The following FGF12 variants were observed in gnomAD, a reference collection of about 807,000 sequenced individuals.
FGF12 encodes fibroblast growth factor 12B.
In FGF12, 14 loss-of-function variants were observed where a neutral mutation model predicts 23.6. The ratio of observed to expected loss-of-function variants is 0.59; its 90% CI spans 0.39 to 0.93. The LOEUF is 0.93. FGF12 is among the 40% of genes least tolerant of loss of function. The probability of loss-of-function intolerance (pLI) is 0.00; values close to 1 mark genes in which losing one functional copy is unlikely to be tolerated. For synonymous variants in FGF12, 62 were observed against 77.3 expected (o/e 0.80, Z 1.04); for missense variants, 175 against 217.8 (o/e 0.80, Z 1.24).
At chr3:192,622,074 T>G (rs576175599) in intron 2 of FGF12, among the ~76,000 whole-genome samples, 1 of 152,148 alleles carries the variant, frequency 6.6e-6, no homozygotes, top group Admixed American at 6.5e-5. Flanking sequence ...AATTTTGCTG[T>G]TGTCAAATGG....
chr3:192,317,259 T>C (rs1716275323), intron 4 of FGF12, among the ~76,000 whole-genome samples: 1 of 151,380 alleles, frequency 6.6e-6, no homozygotes, highest in Admixed American at 6.6e-5. Flanking sequence ...CACAGTGGAG[T>C]ACAGCATCAA....
intron 2 of FGF12, among the ~76,000 whole-genome samples, chr3:192,532,791 A>C (rs1005552929): frequency 6.6e-6 from 1 of 152,326 alleles, no homozygotes; most frequent in African/African-American, 2.4e-5. Context: ...TATGAAATAA[A>C]TCACTATTTC....
At chr3:192,430,213 G>A (rs1384411718) in intron 2 of FGF12, among the ~76,000 whole-genome samples, 3 of 151,946 alleles carry the variant, frequency 2.0e-5, no homozygotes. Flanking sequence ...AGGGAATTCT[G>A]TCACTATGGA....
intron 4 of FGF12, among the ~76,000 whole-genome samples, chr3:192,246,334 G>A (rs536134581): frequency 6.6e-6 from 1 of 152,256 alleles, no homozygotes; most frequent in Non-Finnish European, 1.5e-5. Context: ...AACATAAGTG[G>A]AGTAAATATA....
intron 2 of FGF12, among the ~76,000 whole-genome samples, chr3:192,602,239 T>C (rs578222302): frequency 1.3e-5 from 2 of 152,230 alleles, no homozygotes; most frequent in East Asian, 3.9e-4. Context: ...TGCTCAATTT[T>C]CCTGAGAACT....
In FGF12 at chr3:192,520,867, A is replaced by G. The variant is rs1724797060; in HGVS notation, c.14-160329T>C. 3.3e-5 allele frequency among the ~76,000 whole-genome samples: 5 copies of G among 152,166 alleles called. No individual in the cohort carries two copies. The South Asian group carries it at 1.0e-3, about 32-fold the overall frequency. ...TGTACAAATGCACACACACTCTTCTATGTAGTGGTCTTTTGATTGTTTCCA... is the reference window on the plus strand; with the variant it reads ...TGTACAAATGCACACACACTCTTCTGTGTAGTGGTCTTTTGATTGTTTCCA... On this transcript the variant is annotated intron_variant, in intron 2 of 5. Coordinates refer to ENST00000445105, the MANE Select transcript of FGF12 (RefSeq NM_004113.6).
At chr3:192,660,446 C>A (rs548027463) in intron 2 of FGF12, among the ~76,000 whole-genome samples, 32 of 150,336 alleles carry the variant, frequency 2.1e-4, no homozygotes, top group African/African-American at 7.8e-4. Context: ...ACCAACACGG[C>A]ACATGTATAC....
chr3:192,351,948 C>T (rs1210686487), intron 3 of FGF12, among the ~76,000 whole-genome samples: 3 of 152,028 alleles, frequency 2.0e-5, no homozygotes, highest in Admixed American at 6.6e-5. Context: ...GCAAAGACAT[C>T]GCAAGCAAAA....
chr3:192,329,949 A>G (rs1389439510), intron 4 of FGF12, among the ~76,000 whole-genome samples: 2 of 152,184 alleles, frequency 1.3e-5, no homozygotes, highest in African/African-American at 4.8e-5. Context: ...AGATGCATTA[A>G]GAACTTTTTA....
rs532142575 is a variant in FGF12, at chr3:192,424,389, C to T, written c.14-63851G>A. On this transcript the variant is annotated intron_variant, in intron 2 of 5. Coordinates refer to ENST00000445105, the MANE Select transcript of FGF12 (RefSeq NM_004113.6). ...CATCTGGTGCACCATGCCAAAAATA[C>T]ATAGGAGCTGAAAGGCAGGATGCAA... is the stretch of plus-strand genomic sequence containing the variant. 3.3e-5 allele frequency among the ~76,000 whole-genome samples: 5 copies of T among 152,278 alleles called. No homozygotes were observed. In the South Asian group the frequency reaches 1.0e-3, roughly 32 times the overall value.
chr3:192,278,893 G>A (rs1000829831), intron 4 of FGF12, among the ~76,000 whole-genome samples: 1 of 152,088 alleles, frequency 6.6e-6, no homozygotes, highest in Non-Finnish European at 1.5e-5. Context: ...AGTCTAACTA[G>A]TCCTGAAGAT....
intron 2 of FGF12, among the ~76,000 whole-genome samples, chr3:192,725,808 C>G (rs1461597537): frequency 6.6e-6 from 1 of 152,148 alleles, no homozygotes; most frequent in African/African-American, 2.4e-5. Flanking sequence ...ATATTACAAA[C>G]CTTTATATGT....
At chr3:192,586,800 T>C (rs937930306) in intron 2 of FGF12, among the ~76,000 whole-genome samples, 5 of 152,194 alleles carry the variant, frequency 3.3e-5, no homozygotes, top group African/African-American at 1.2e-4. Flanking sequence ...GAAATGTGCA[T>C]ATGTCCTGCT....
chr3:192,655,466 C>T (rs973930451), intron 2 of FGF12, among the ~76,000 whole-genome samples: 10 of 152,054 alleles, frequency 6.6e-5, no homozygotes, highest in African/African-American at 1.7e-4. Flanking sequence ...AGAATAGGAA[C>T]GCAGAATAGA....
chr3:192,310,151 A>G (rs1715859189), intron 4 of FGF12, among the ~76,000 whole-genome samples: 1 of 152,200 alleles, frequency 6.6e-6, no homozygotes, highest in Admixed American at 6.5e-5. Flanking sequence ...CAATGCCAAG[A>G]GCTACAACCT....
chr3:192,448,914 G>A (rs1261424923), intron 2 of FGF12, among the ~76,000 whole-genome samples: 1 of 152,148 alleles, frequency 6.6e-6, no homozygotes, highest in Non-Finnish European at 1.5e-5. Context: ...AAGAACAGCA[G>A]ACTTGCTGCA....
At chr3:192,393,043 C>T (rs909490839) in intron 2 of FGF12, among the ~76,000 whole-genome samples, 1 of 152,196 alleles carries the variant, frequency 6.6e-6, no homozygotes, top group African/African-American at 2.4e-5. Context: ...GTGAAGATGG[C>T]TCTATTTATG....
chr3:192,403,209 C>T (rs193181795), intron 2 of FGF12, among the ~76,000 whole-genome samples: 1 of 152,206 alleles, frequency 6.6e-6, no homozygotes, highest in Admixed American at 6.5e-5. Context: ...TTTTATGAGA[C>T]AAAGCTTACA....
At chr3:192,618,241 G>A (rs1714837029) in intron 2 of FGF12, among the ~76,000 whole-genome samples, 1 of 147,300 alleles carries the variant, frequency 6.8e-6, no homozygotes, top group South Asian at 2.1e-4. Context: ...AGATATCATG[G>A]GGAACTAAAA....
Sources: gnomAD v4.1 joint callset for allele counts (sites outside exome capture counted in the v4.1 genomes callset) on GRCh38, gnomAD v4.1.1 for gene constraint, MANE v1.5 for transcripts, NCBI Gene and HGNC (gene_info 2026-07-23, HGNC 2026-07-21) for gene names.